The following ABI3BP variants were observed in gnomAD, a reference collection of about 807,000 sequenced individuals.
ABI3BP encodes target of Nesh-SH3.
ABI3BP carries 216 observed loss-of-function variants against 268.6 expected under a neutral mutation model. The observed-to-expected ratio is 0.80, with a 90% CI of 0.72 to 0.90. ABI3BP has a LOEUF of 0.90. Among genes scored for constraint, ABI3BP ranks in the 40% least tolerant of loss-of-function variants. The probability of loss-of-function intolerance (pLI) is 0.00; values close to 1 mark genes in which losing one functional copy is unlikely to be tolerated. For synonymous variants in ABI3BP, 730 were observed against 730.0 expected (o/e 1.00, Z 0.00); for missense variants, 2,090 against 2,182.4 (o/e 0.96, Z 0.84).
intron 1 of ABI3BP, chr3:100,930,924 A>G (rs1055886451): frequency 6.6e-6 from 1 of 152,152 alleles, no homozygotes; most frequent in Non-Finnish European, 1.5e-5. Context: ...CCTGATGAAC[A>G]TAGATGCAGA....
At position 100,916,814 on chromosome 3, in the gene ABI3BP, A is replaced by G. The variant is rs575338549; in HGVS notation, c.259+9488T>C. On this transcript the variant is annotated intron_variant, in intron 2 of 67. Coordinates refer to ENST00000471714, the MANE Select transcript of ABI3BP (RefSeq NM_001375547.2). The stretch of plus-strand genomic sequence containing the variant: ...TGATGCAAAGCATCTCCAGTGGCAG[A>G]GAAAAGGCTGGGCTATTACCTTGGG... 2.0e-5 allele frequency among the ~76,000 whole-genome samples: 3 copies of G among 152,326 alleles called. No individual in the cohort carries two copies. In the South Asian group the frequency reaches 6.2e-4, roughly 32 times the overall value.
At position 100,751,542 on chromosome 3, in the gene ABI3BP, G is replaced by T. The variant is rs2149205408; in HGVS notation, c.5245+10C>A. On this transcript the variant is annotated intron_variant, in intron 67 of 67. Coordinates refer to ENST00000471714, the MANE Select transcript of ABI3BP (RefSeq NM_001375547.2). ...AACTCTGTTCTTATGAGGAGGATCA[G>T]AAAACATACCTTCTTTGATTGGTAA... is the stretch of plus-strand genomic sequence containing the variant. 1 of 1,579,358 alleles carries T rather than the reference G, an allele frequency of 6.3e-7. No individual in the cohort carries two copies. Among genetic ancestry groups the T allele is most frequent in the South Asian group, 1.2e-5 (1 of 85,070 alleles).
chr3:100,810,551 T>C, intron 48 of ABI3BP, 74 bp from the exon 49 acceptor site: 1 of 1,028,098 alleles, frequency 9.7e-7, no homozygotes, highest in South Asian at 1.6e-5. Context: ...ACAGACAGGA[T>C]GGTAACAAAT....
At chr3:100,848,136 C>T (rs79994597) in intron 18 of ABI3BP, among the ~76,000 whole-genome samples, 506 of 152,226 alleles carry the variant, frequency 3.3e-3, no homozygotes, top group African/African-American at 0.011. Context: ...GTTTTATCTT[C>T]TCAAGGTTAT....
intron 51 of ABI3BP, among the ~76,000 whole-genome samples, chr3:100,800,169 T>C (rs1017658886): frequency 6.6e-6 from 1 of 152,174 alleles, no homozygotes. Flanking sequence ...AGACTTATCT[T>C]TCTAGATTGT....
intron 33 of ABI3BP, 133 bp downstream of exon 33, chr3:100,829,448 A>G: frequency 1.4e-6 from 1 of 704,156 alleles, no homozygotes. Context: ...CTACCACGTC[A>G]TCTCCCCAGC....
chr3:100,967,064 C>T (rs1278685867), intron 1 of ABI3BP, among the ~76,000 whole-genome samples: 1 of 151,946 alleles, frequency 6.6e-6, no homozygotes, highest in Non-Finnish European at 1.5e-5. Context: ...TCAATTTTCT[C>T]ATCTGTGAAG....
Position 100,841,991 on chromosome 3 carries a change from T to A in ABI3BP, c.1765+7A>T, listed in dbSNP as rs1211650268. On this transcript the variant is annotated splice_region_variant and intron_variant, in intron 21 of 67. Transcript: ENST00000471714. ...TTGTTTTCACTCATTAAAAAAAGCT[T>A]TATTACCTATTGTTGACTGTGATGG... 1 of 1,529,978 alleles carries A rather than the reference T, an allele frequency of 6.5e-7. No homozygotes were observed. The highest frequency in any genetic ancestry group is 1.4e-5 in the African/African-American group (1 of 72,788). The allele number at this position is 1,529,978 out of a possible 1,614,324, so 94.8% of individuals were successfully genotyped here. A position where few individuals can be genotyped will look rare whatever the true frequency, so the allele number is the denominator to read the frequency against.
intron 38 of ABI3BP, 85 bp from the exon 39 acceptor site, chr3:100,821,198 G>T: frequency 1.8e-6 from 2 of 1,117,110 alleles, no homozygotes; most frequent in Non-Finnish European, 2.6e-6. Context: ...AGTCTTACTA[G>T]TATAATACAG....
chr3:100,778,632 G>A, intron 58 of ABI3BP: 2 of 390,940 alleles, frequency 5.1e-6, no homozygotes, highest in Non-Finnish European at 9.0e-6. Flanking sequence ...TATACAGTCG[G>A]GCCCTTCATA....
At chr3:100,909,807 T>C (rs2055430140) in intron 2 of ABI3BP, among the ~76,000 whole-genome samples, 1 of 152,218 alleles carries the variant, frequency 6.6e-6, no homozygotes, top group African/African-American at 2.4e-5. Flanking sequence ...GGAACACTTT[T>C]ACACTGTTGG....
intron 34 of ABI3BP, among the ~76,000 whole-genome samples, chr3:100,826,714 C>G (rs2098391685): frequency 6.6e-6 from 1 of 152,114 alleles, no homozygotes. Flanking sequence ...AAGAACTTTT[C>G]ACTTCTGTCC....
chr3:100,992,992 A>G (rs1228454310), intron 1 of ABI3BP, among the ~76,000 whole-genome samples: 3 of 152,234 alleles, frequency 2.0e-5, no homozygotes, highest in East Asian at 3.9e-4. Flanking sequence ...CTAACAGACT[A>G]TAATATCCAT....
At chr3:100,842,193 C>T (rs1389888074) in intron 20 of ABI3BP, among the ~76,000 whole-genome samples, 154 bp from the exon 21 acceptor site, 1 of 152,244 alleles carries the variant, frequency 6.6e-6, no homozygotes, top group African/African-American at 2.4e-5. Flanking sequence ...CACATCCTCT[C>T]TACAAACCAC....
chr3:100,905,956 AG>A (rs1169038592), intron 2 of ABI3BP, among the ~76,000 whole-genome samples: 2 of 152,286 alleles, frequency 1.3e-5, no homozygotes, highest in African/African-American at 4.8e-5. Context: ...TTTTTGAACC[AG>A]GGGACCTGCA....
intron 24 of ABI3BP, 93 bp downstream of exon 24, chr3:100,839,476 G>A (rs1480362193): frequency 2.4e-6 from 3 of 1,275,062 alleles, no homozygotes; most frequent in African/African-American, 1.5e-5. Context: ...ACTGTGATGA[G>A]GTGGTGGAAC....
intron 13 of ABI3BP, 48 bp downstream of exon 13, chr3:100,862,790 C>T: frequency 1.5e-6 from 2 of 1,315,406 alleles, no homozygotes; most frequent in Non-Finnish European, 2.1e-6. Flanking sequence ...CAGAATTAAG[C>T]AATCACCACC....
intron 1 of ABI3BP, among the ~76,000 whole-genome samples, chr3:100,968,955 A>G (rs1353553667): frequency 2.0e-5 from 3 of 152,172 alleles, no homozygotes; most frequent in Admixed American, 1.3e-4. Context: ...TATTCTTTGA[A>G]TGGCAGTTTC....
intron 51 of ABI3BP, among the ~76,000 whole-genome samples, chr3:100,799,212 T>A (rs2097449245): frequency 6.6e-6 from 1 of 152,142 alleles, no homozygotes; most frequent in Non-Finnish European, 1.5e-5. Context: ...ATATCTGCCT[T>A]GGCTTCCTCA....
Sources: gnomAD v4.1 joint callset for allele counts (sites outside exome capture counted in the v4.1 genomes callset) on GRCh38, gnomAD v4.1.1 for gene constraint, MANE v1.5 for transcripts, NCBI Gene and HGNC (gene_info 2026-07-23, HGNC 2026-07-21) for gene names.